The following NR6A1 variants were observed in gnomAD, a reference collection of about 807,000 sequenced individuals.
The protein encoded by NR6A1 is nuclear receptor subfamily 6 group A member 1, also known as retinoic acid receptor-related testis-associated receptor.
Under a neutral mutation model 59.1 loss-of-function variants are expected in NR6A1, and 7 were observed. The ratio of observed to expected loss-of-function variants is 0.12; its 90% confidence interval spans 0.07 to 0.22. NR6A1 has a LOEUF of 0.22. Ranked by LOEUF, NR6A1 falls within the 10% of genes least tolerant of loss-of-function variation. The pLI is 1.00. For missense variants in NR6A1, 468 were observed against 611.6 expected, an observed-to-expected ratio of 0.77 and a Z score of 2.48; for synonymous variants, 243 against 236.1, an observed-to-expected ratio of 1.03 and a Z score of -0.27.
chr9:124,715,746 A>G (rs1041880102), intron 2 of NR6A1, among the ~76,000 whole-genome samples: 1 of 152,330 alleles, frequency 6.6e-6, no homozygotes, highest in Admixed American at 6.5e-5. Flanking sequence ...TAATCAAAAC[A>G]ACTTTGAAAA....
At chr9:124,653,300 G>C (rs1837156603) in intron 2 of NR6A1, among the ~76,000 whole-genome samples, 1 of 151,336 alleles carries the variant, frequency 6.6e-6, no homozygotes, top group Non-Finnish European at 1.5e-5. Context: ...GTAAAAAGAA[G>C]AAAGTATCAG....
chr9:124,547,288 C>T (rs1464641417), intron 3 of NR6A1, among the ~76,000 whole-genome samples: 4 of 152,300 alleles, frequency 2.6e-5, no homozygotes, highest in Non-Finnish European at 4.4e-5. Flanking sequence ...AAGCTAACTA[C>T]ATCAAAGCTC....
chr9:124,650,375 A>T (rs1438508605), intron 2 of NR6A1, among the ~76,000 whole-genome samples: 1 of 151,558 alleles, frequency 6.6e-6, no homozygotes, highest in Non-Finnish European at 1.5e-5. Context: ...ATGGGAGCTT[A>T]AAAAAAAACA....
At chr9:124,621,544 C>T (rs1836076238) in intron 2 of NR6A1, among the ~76,000 whole-genome samples, 1 of 150,388 alleles carries the variant, frequency 6.6e-6, no homozygotes, top group Non-Finnish European at 1.5e-5. Context: ...GTCCCAGTAA[C>T]TTAGGAGGAT....
intron 2 of NR6A1, chr9:124,698,112 T>C (rs1254875743): frequency 5.3e-5 from 8 of 152,168 alleles, no homozygotes; most frequent in Admixed American, 1.3e-4. Context: ...GTTGTAGAAT[T>C]ATAGGTAATT....
intron 2 of NR6A1, among the ~76,000 whole-genome samples, chr9:124,725,674 G>A (rs1307659512): frequency 2.6e-5 from 4 of 152,134 alleles, no homozygotes; most frequent in African/African-American, 4.8e-5. Context: ...TGCGGGGCTC[G>A]GCCTGGTAAT....
At chr9:124,522,869 T>C (rs1832832202) in intron 9 of NR6A1, 76 bp from the exon 10 acceptor site, 2 of 1,172,264 alleles carry the variant, frequency 1.7e-6, no homozygotes, top group Non-Finnish European at 2.4e-6. Flanking sequence ...CTTGGGCTGG[T>C]GGAGGCAGAG....
chr9:124,764,611 T>A (rs1840879986), intron 1 of NR6A1, among the ~76,000 whole-genome samples: 1 of 152,240 alleles, frequency 6.6e-6, no homozygotes, highest in Admixed American at 6.5e-5. Flanking sequence ...CTTGAGTATA[T>A]TTTTAATGAG....
At chr9:124,713,564 CAATT>C (rs1839340616) in intron 2 of NR6A1, among the ~76,000 whole-genome samples, 1 of 151,988 alleles carries the variant, frequency 6.6e-6, no homozygotes, top group African/African-American at 2.4e-5. Context: ...ATAAAGAATC[CAATT>C]AAATAGGCAA....
In NR6A1 at chr9:124,524,836, T is replaced by C. The variant is rs776212013; in HGVS notation, c.1239A>G (p.Gln413=). The C allele has an allele frequency of 2.5e-6, 4 of 1,613,752 alleles. No homozygotes were observed. The highest frequency in any genetic ancestry group is 2.2e-5 in the East Asian group (1 of 44,896). The change falls in exon 9 of 10, where the codon CAA becomes CAG. Residue 413 remains glutamine (Q), a synonymous_variant. Coordinates refer to ENST00000487099, the MANE Select transcript of NR6A1 (RefSeq NM_033334.4). ...AAATGTACCAGTATCGTTTATTCAA[T>C]TGTTCCAGCTGTGAGGCACTGGTCA... ...RGLTSASQLE[Q]LNKRYWYICQ...
intron 2 of NR6A1, among the ~76,000 whole-genome samples, chr9:124,679,996 G>A (rs958550872): frequency 7.2e-5 from 11 of 151,824 alleles, no homozygotes; most frequent in African/African-American, 2.2e-4. Flanking sequence ...CAAGATTATA[G>A]GGTGATTATT....
intron 2 of NR6A1, among the ~76,000 whole-genome samples, chr9:124,635,739 G>C (rs1445407008): frequency 6.6e-6 from 1 of 152,150 alleles, no homozygotes; most frequent in African/African-American, 2.4e-5. Context: ...TCCATTGTCA[G>C]GATATGCCAC....
intron 3 of NR6A1, among the ~76,000 whole-genome samples, chr9:124,550,881 C>G (rs544022890): frequency 2.4e-4 from 36 of 152,178 alleles, no homozygotes; most frequent in African/African-American, 8.7e-4. Flanking sequence ...GAAAAATGAT[C>G]ACTTCTCTTT....
intron 2 of NR6A1, among the ~76,000 whole-genome samples, chr9:124,696,860 G>A (rs1838781425): frequency 6.6e-6 from 1 of 152,070 alleles, no homozygotes; most frequent in Non-Finnish European, 1.5e-5. Flanking sequence ...ATTTTGCCAT[G>A]TGGCCCAGGC....
At chr9:124,586,699 T>C (rs1205043970) in intron 2 of NR6A1, among the ~76,000 whole-genome samples, 5 of 152,254 alleles carry the variant, frequency 3.3e-5, no homozygotes, top group Middle Eastern at 3.4e-3. Context: ...TCCTCCTTCA[T>C]TGGCCTCCCA....
rs371021216 is a variant in NR6A1 at position 124,538,169 on chromosome 9, C to A, written c.747G>T (p.Gln249His). The A allele has an allele frequency of 7.4e-5, 119 of 1,614,094 alleles. No individual in the cohort carries two copies. Among genetic ancestry groups the A allele is most frequent in the Non-Finnish European group, 8.5e-5 (100 of 1,180,036 alleles). ...ACAGCTGGTGAATCAGACTGTATGA[C>A]TGGGGATCCAGGCTGCGAGCTTGTT... is the stretch of plus-strand genomic sequence containing the variant. Reference protein sequence around the residue: ...LPQQARSLDPQSYSLIHQLLS... With the variant: ...LPQQARSLDPHSYSLIHQLLS... The change falls in exon 6 of 10, where the codon CAG becomes CAT. Residue 249 changes from glutamine (Q) to histidine (H), a missense_variant. Gln to His is a conservative substitution (Grantham distance 24, BLOSUM62 0). This residue lies in a region of NR6A1 where 151 missense variants were observed against 142.8 expected (regional missense o/e 1.06). Transcript: ENST00000487099.
chr9:124,670,659 T>G (rs982165109), intron 2 of NR6A1, among the ~76,000 whole-genome samples: 3 of 152,082 alleles, frequency 2.0e-5, no homozygotes, highest in Admixed American at 6.6e-5. Context: ...GGGAAGAAAT[T>G]CAGAGTGGAT....
chr9:124,630,875 T>C (rs1018364075), intron 2 of NR6A1, among the ~76,000 whole-genome samples: 2 of 150,840 alleles, frequency 1.3e-5, no homozygotes, highest in African/African-American at 4.9e-5. Context: ...ACGGAGTTTT[T>C]CCACGTTGGT....
intron 1 of NR6A1, among the ~76,000 whole-genome samples, chr9:124,754,056 A>G (rs1395062939): frequency 6.6e-6 from 1 of 152,216 alleles, no homozygotes; most frequent in East Asian, 1.9e-4. Flanking sequence ...ACAACTCTGT[A>G]ATGGAAAAGA....
Sources: allele counts gnomAD v4.1 joint callset (sites outside exome capture counted in the v4.1 genomes callset), GRCh38; gene constraint gnomAD v4.1.1; regional missense constraint gnomAD v4.1.1; transcripts MANE v1.5; gene names NCBI Gene and HGNC (gene_info 2026-07-23, HGNC 2026-07-21).